The following RP1 variants were observed in gnomAD, a reference collection of about 807,000 sequenced individuals.
The protein encoded by RP1 is RP1 axonemal microtubule associated.
In RP1, 16 loss-of-function variants were observed where a neutral mutation model predicts 14.8. The observed-to-expected ratio is 1.08, with a 90% confidence interval of 0.73 to 1.65. The LOEUF is 1.65. Ranked by LOEUF, RP1 falls within the 40% of genes most tolerant of loss-of-function variation. RP1 has a pLI of 0.00. For synonymous variants in RP1, 876 were observed against 883.6 expected (o/e 0.99, Z 0.15); for missense variants, 2,631 against 2,535.0 (o/e 1.04, Z -0.81).
intron 21 of RP1, among the ~76,000 whole-genome samples, chr8:54,756,985 A>G (rs184609244): frequency 6.6e-6 from 1 of 152,334 alleles, no homozygotes; most frequent in Non-Finnish European, 1.5e-5. Flanking sequence ...GTGTATAAAG[A>G]AGAGTACAGT....
intron 12 of RP1, among the ~76,000 whole-genome samples, chr8:54,696,173 A>G (rs1702158092): frequency 1.3e-5 from 2 of 152,196 alleles, no homozygotes; most frequent in South Asian, 2.1e-4. Flanking sequence ...TACCAATGCT[A>G]GATGAATATA....
exon 27 of RP1, chr8:54,857,062 G>A (rs1812220717): frequency 2.5e-6 from 3 of 1,218,728 alleles, no homozygotes; most frequent in African/African-American, 1.6e-5. Context: ...GTATCTCTCG[G>A]AAAATTGAAG....
intron 12 of RP1, among the ~76,000 whole-genome samples, chr8:54,683,855 G>T (rs1807490804): frequency 6.6e-6 from 1 of 152,136 alleles, no homozygotes; most frequent in South Asian, 2.1e-4. Flanking sequence ...AGTAGTAAGA[G>T]AGGGCATCCT....
At chr8:54,859,878 G>T (rs541386080) in intron 27 of RP1, among the ~76,000 whole-genome samples, 1 of 152,148 alleles carries the variant, frequency 6.6e-6, no homozygotes, top group Non-Finnish European at 1.5e-5. Flanking sequence ...GCATGGATTG[G>T]AACAGAACAG....
rs1164102602 is a variant in RP1 at position 54,606,095 on chromosome 8, C to A, written c.-12-14860C>A. On this transcript the variant is annotated intron_variant, in intron 1 of 22. Transcript: ENST00000636932. ...TTTGATCCTGTCATGATGATGTTAG[C>A]TGGTTATTTTGCTCATTAGTTGATG... 8.5e-5 allele frequency among the ~76,000 whole-genome samples: 13 copies of A among 152,190 alleles called. No homozygotes were observed. The East Asian group carries it at 1.7e-3, about 20-fold the overall frequency.
chr8:54,832,336 A>G (rs1811550378), intron 24 of RP1, among the ~76,000 whole-genome samples: 1 of 151,822 alleles, frequency 6.6e-6, no homozygotes, highest in Non-Finnish European at 1.5e-5. Context: ...TTGTTTTACT[A>G]ATTATTTCAA....
intron 24 of RP1, among the ~76,000 whole-genome samples, chr8:54,799,933 ATTCT>A (rs1810664822): frequency 6.6e-6 from 1 of 152,086 alleles, no homozygotes; most frequent in Non-Finnish European, 1.5e-5. Flanking sequence ...CATTTACAAC[ATTCT>A]TTATTTCTCT....
intron 7 of RP1, among the ~76,000 whole-genome samples, chr8:54,670,802 T>A (rs868786192): frequency 2.7e-5 from 4 of 149,892 alleles, no homozygotes; most frequent in African/African-American, 9.8e-5. Flanking sequence ...TTTTGTCTGA[T>A]ATAAATATGG....
intron 27 of RP1, among the ~76,000 whole-genome samples, chr8:54,865,011 T>C (rs1200832623): frequency 6.6e-6 from 1 of 152,162 alleles, no homozygotes; most frequent in African/African-American, 2.4e-5. Flanking sequence ...TTATGGCTTT[T>C]TTTGCTGTCA....
chr8:54,701,357 A>G (rs1808011764), intron 13 of RP1: 2 of 745,130 alleles, frequency 2.7e-6, no homozygotes. Context: ...TTTCAAAATC[A>G]TGAGATTTTA....
At position 54,808,131 on chromosome 8, in the gene RP1, G is replaced by A. The variant is rs552607654; in HGVS notation, c.3615+24421G>A. 7.2e-5 allele frequency among the ~76,000 whole-genome samples: 11 copies of A among 152,304 alleles called. No individual in the cohort carries two copies. In the South Asian group the frequency reaches 2.3e-3, roughly 32 times the overall value. On this transcript the variant is annotated intron_variant, in intron 24 of 28. Coordinates refer to the RP1 transcript ENST00000637698. Reference sequence around the variant, plus strand: ...TCTTTCAACAACCGAATGAACAGGGGCTTATAGAATATGGGGTTCACTGAG... The same window carrying A: ...TCTTTCAACAACCGAATGAACAGGGACTTATAGAATATGGGGTTCACTGAG...
At chr8:54,711,892 G>A (rs1425052217) in intron 15 of RP1, among the ~76,000 whole-genome samples, 1 of 152,046 alleles carries the variant, frequency 6.6e-6, no homozygotes. Flanking sequence ...TAGCTCAGGA[G>A]GCTTAAGAAA....
chr8:54,844,939 G>A (rs1407319231), intron 25 of RP1, among the ~76,000 whole-genome samples: 12 of 152,116 alleles, frequency 7.9e-5, no homozygotes, highest in Non-Finnish European at 1.5e-5. Flanking sequence ...AGCTCCTCTA[G>A]CCCACTGTCT....
intron 12 of RP1, among the ~76,000 whole-genome samples, chr8:54,692,291 C>T (rs1807733951): frequency 1.3e-5 from 2 of 149,080 alleles, no homozygotes; most frequent in Non-Finnish European, 3.0e-5. Context: ...GTGCATGTGT[C>T]TTTATAGCAG....
downstream of RP1, among the ~76,000 whole-genome samples, chr8:54,774,186 C>T (rs1345176117): frequency 6.6e-6 from 1 of 152,100 alleles, no homozygotes. Context: ...AAGGTAACAG[C>T]CTACCCTTTG....
At chr8:54,667,554 T>C (rs1449523205) in intron 7 of RP1, among the ~76,000 whole-genome samples, 1 of 152,142 alleles carries the variant, frequency 6.6e-6, no homozygotes, top group Non-Finnish European at 1.5e-5. Flanking sequence ...GAGAAGCTCC[T>C]GACTGTGCAG....
At chr8:54,725,993 G>A (rs562819242) in intron 16 of RP1, among the ~76,000 whole-genome samples, 2 of 152,240 alleles carry the variant, frequency 1.3e-5, no homozygotes, top group African/African-American at 4.8e-5. Context: ...TGACGTTTTA[G>A]TTTCCCCTTT....
chr8:54,797,215 C>T (rs191061319), intron 24 of RP1, among the ~76,000 whole-genome samples: 1 of 152,228 alleles, frequency 6.6e-6, no homozygotes, highest in Admixed American at 6.5e-5. Flanking sequence ...ATCAAGAGAT[C>T]TACTTTCTTA....
chr8:54,647,652 T>A (rs1250057503), intron 3 of RP1, among the ~76,000 whole-genome samples: 1 of 152,128 alleles, frequency 6.6e-6, no homozygotes, highest in Non-Finnish European at 1.5e-5. Flanking sequence ...ATCTTGAGTG[T>A]GTTCCCTAAT....
Sources: allele counts gnomAD v4.1 joint callset (sites outside exome capture counted in the v4.1 genomes callset), GRCh38; gene constraint gnomAD v4.1.1; transcripts MANE v1.5; gene names NCBI Gene and HGNC (gene_info 2026-07-23, HGNC 2026-07-21).